Variants in ADGRB1 observed in about 807,000 individuals in gnomAD.
The protein encoded by ADGRB1 is adhesion G protein-coupled receptor B1.
A neutral mutation model predicts 175.7 loss-of-function variants in ADGRB1; 36 were observed. The observed-to-expected ratio is 0.20, with a 90% CI of 0.16 to 0.27. The LOEUF is 0.27. Among genes scored for constraint, ADGRB1 ranks in the 10% least tolerant of loss-of-function variants. ADGRB1 has a pLI of 1.00. For synonymous variants in ADGRB1, 1,054 were observed against 979.4 expected (o/e 1.08, Z -1.42); for missense variants, 1,731 against 2,255.3 (o/e 0.77, Z 4.71).
intron 4 of ADGRB1, 54 bp downstream of exon 4, chr8:142,476,749 A>C: frequency 1.4e-6 from 2 of 1,452,574 alleles, no homozygotes; most frequent in Non-Finnish European, 9.3e-7. Flanking sequence ...AAATACTGTA[A>C]GTTATCAATT....
At chr8:142,468,473 A>C (rs1840407325) in intron 2 of ADGRB1, among the ~76,000 whole-genome samples, 1 of 152,208 alleles carries the variant, frequency 6.6e-6, no homozygotes, top group African/African-American at 2.4e-5. Context: ...GCCCAGAGAC[A>C]GTTCGGACCC....
rs920945341 is a variant in ADGRB1, at chr8:142,511,580, G to A, written c.2817+507G>A. 6.6e-6 allele frequency among the ~76,000 whole-genome samples: 1 copy of A among 152,196 alleles called. No individual in the cohort carries two copies. Among genetic ancestry groups the A allele is most frequent in the East Asian group, 1.9e-4 (1 of 5,178 alleles). On this transcript the variant is annotated intron_variant, in intron 18 of 30. Coordinates refer to ENST00000517894, the MANE Select transcript of ADGRB1 (RefSeq NM_001702.3). This position sits in a 1 kb window ranked among gnomAD's most constrained non-coding sequence, Gnocchi z 4.5. Reference sequence around the variant, plus strand: ...GCGGTGGCCCCAGGCAGGGGCCCTGGCCCAGATCCACCGCCCCCCAGGCCT... The same window carrying A: ...GCGGTGGCCCCAGGCAGGGGCCCTGACCCAGATCCACCGCCCCCCAGGCCT...
At chr8:142,458,905 G>T (rs1839823185) in intron 1 of ADGRB1, among the ~76,000 whole-genome samples, 1 of 152,248 alleles carries the variant, frequency 6.6e-6, no homozygotes, top group South Asian at 2.1e-4. Flanking sequence ...CCAATGACCA[G>T]AGAAGTGGCC....
At chr8:142,540,187 C>CG (rs968999854) in intron 27 of ADGRB1, among the ~76,000 whole-genome samples, 8 of 152,354 alleles carry the variant, frequency 5.3e-5, no homozygotes, top group Admixed American at 4.6e-4. Context: ...CTAGAGACAG[C>CG]CCTGGCAGAG....
At chr8:142,530,731 A>G (rs1431674747) in intron 24 of ADGRB1, among the ~76,000 whole-genome samples, 1 of 152,082 alleles carries the variant, frequency 6.6e-6, no homozygotes, top group Non-Finnish European at 1.5e-5. Flanking sequence ...GGGCTGTGGG[A>G]TCCACCCCAT....
intron 2 of ADGRB1, among the ~76,000 whole-genome samples, chr8:142,469,686 TGA>T (rs1303313759): frequency 5.3e-5 from 8 of 151,634 alleles, no homozygotes; most frequent in Non-Finnish European, 1.2e-4. Context: ...TGAATGTGTG[TGA>T]ATGTGTGCGT....
At chr8:142,522,476 CT>C (rs1843909421) in intron 21 of ADGRB1, among the ~76,000 whole-genome samples, 164 bp from the exon 22 acceptor site, 1 of 152,236 alleles carries the variant, frequency 6.6e-6, no homozygotes, top group African/African-American at 2.4e-5. Context: ...TCCGCAGGCC[CT>C]TGCCTTGTTC....
intron 2 of ADGRB1, among the ~76,000 whole-genome samples, chr8:142,468,832 T>C (rs1840425443): frequency 6.6e-6 from 1 of 152,238 alleles, no homozygotes; most frequent in African/African-American, 2.4e-5. Context: ...GTGTCACCTC[T>C]CAACACACTG....
Position 142,539,376 on chromosome 8 carries a change from C to G in ADGRB1, c.3669C>G (p.Thr1223=). 1.3e-6 allele frequency: 2 copies of G among 1,590,918 alleles called. No individual in the cohort carries two copies. Among genetic ancestry groups the G allele is most frequent in the Middle Eastern group, 1.7e-4 (1 of 6,042 alleles). The change falls in exon 27 of 31, where the codon ACC becomes ACG. Residue 1223 remains threonine (T), a splice_region_variant and synonymous_variant. Coordinates refer to ENST00000517894, the MANE Select transcript of ADGRB1 (RefSeq NM_001702.3). ...SFQNGHAQLM[T]DFEKDVDLAC... ...GCCCTGTTGTCTCTGTCCTACAGAC[C>G]GACTTCGAGAAGGACGTGGATCTGG...
At chr8:142,490,349 G>T (rs1481132944) in intron 16 of ADGRB1, among the ~76,000 whole-genome samples, 3 of 152,204 alleles carry the variant, frequency 2.0e-5, no homozygotes, top group Non-Finnish European at 2.9e-5. Context: ...GCCTGGCAAG[G>T]CTGTGTCCCA....
At chr8:142,503,204 C>T (rs1447863966) in intron 17 of ADGRB1, among the ~76,000 whole-genome samples, 1 of 152,014 alleles carries the variant, frequency 6.6e-6, no homozygotes, top group African/African-American at 2.4e-5. Context: ...GCCCAGCAGC[C>T]ATGCAGATGG....
rs969222965 is a variant in ADGRB1 at position 142,493,121 on chromosome 8, G to A, written c.2675+2306G>A. On this transcript the variant is annotated intron_variant, in intron 17 of 30. Coordinates refer to ENST00000517894, the MANE Select transcript of ADGRB1 (RefSeq NM_001702.3). This position sits in a 1 kb window ranked among gnomAD's most constrained non-coding sequence, Gnocchi z 5.0. ...CAGGCAGTCTTGTCAGGTGGAGGGT[G>A]TGGGCCCCTGGGGGGCCTGCAGAGT... is the stretch of plus-strand genomic sequence containing the variant. 2.6e-5 allele frequency among the ~76,000 whole-genome samples: 4 copies of A among 151,990 alleles called. No individual in the cohort carries two copies. The highest frequency in any genetic ancestry group is 2.6e-4 in the Admixed American group (4 of 15,276).
At chr8:142,534,653 T>C (rs1844824194) in intron 25 of ADGRB1, among the ~76,000 whole-genome samples, 1 of 152,152 alleles carries the variant, frequency 6.6e-6, no homozygotes, top group Non-Finnish European at 1.5e-5. Flanking sequence ...TGCTCCACAC[T>C]TACATCCCAG....
chr8:142,514,721 C>G (rs934169891), intron 18 of ADGRB1, among the ~76,000 whole-genome samples: 1 of 151,970 alleles, frequency 6.6e-6, no homozygotes, highest in African/African-American at 2.4e-5. Flanking sequence ...CAGTGTGTGC[C>G]CAAGATCAAG....
intron 11 of ADGRB1, 85 bp downstream of exon 11, chr8:142,481,796 C>A (rs1563697765): frequency 4.0e-6 from 5 of 1,247,854 alleles, no homozygotes; most frequent in Non-Finnish European, 4.3e-6. Flanking sequence ...GGATCCCCAA[C>A]CCTGGCCACA....
intron 1 of ADGRB1, among the ~76,000 whole-genome samples, chr8:142,451,371 G>A (rs1839340037): frequency 6.6e-6 from 1 of 152,148 alleles, no homozygotes; most frequent in African/African-American, 2.4e-5. Flanking sequence ...AAGTTTCTTG[G>A]AGCGCAGGCG....
At chr8:142,530,582 C>T (rs1263785314) in intron 24 of ADGRB1, among the ~76,000 whole-genome samples, 3 of 152,268 alleles carry the variant, frequency 2.0e-5, no homozygotes, top group South Asian at 4.1e-4. Flanking sequence ...AGATGCGAGT[C>T]GGGGCGAGGC....
At chr8:142,521,789 A>T (rs1452794782) in intron 20 of ADGRB1, among the ~76,000 whole-genome samples, 176 bp from the exon 21 acceptor site, 1 of 152,202 alleles carries the variant, frequency 6.6e-6, no homozygotes, top group Admixed American at 6.5e-5. Flanking sequence ...ATGGTCAACA[A>T]TTCATCTCAG....
intron 2 of ADGRB1, among the ~76,000 whole-genome samples, chr8:142,469,679 A>C (rs1840537024): frequency 7.2e-6 from 1 of 139,688 alleles, no homozygotes. Flanking sequence ...GTGCACGTGA[A>C]TGTGTGTGAA....
Sources: gnomAD v4.1 joint callset for allele counts (sites outside exome capture counted in the v4.1 genomes callset) on GRCh38, gnomAD v4.1.1 for gene constraint, Gnocchi (gnomAD v3.1) non-coding constraint, MANE v1.5 for transcripts, NCBI Gene and HGNC (gene_info 2026-07-23, HGNC 2026-07-21) for gene names.